DHRS3: variants seen among roughly 807,000 people sequenced by gnomAD.
DHRS3 encodes the protein short-chain dehydrogenase/reductase 3.
In DHRS3, 14 loss-of-function variants were observed where a neutral mutation model predicts 27.2. That is an observed-to-expected ratio of 0.52 (90% CI 0.34 to 0.81). The LOEUF (loss-of-function observed/expected upper bound fraction) is 0.81, where lower values mean the gene tolerates loss of function less well. DHRS3 is among the 30% of genes least tolerant of loss of function. DHRS3 has a pLI of 0.01. For synonymous variants in DHRS3, 165 were observed against 175.9 expected (o/e 0.94, Z 0.49); for missense variants, 322 against 406.2 (o/e 0.79, Z 1.78).
chr1:12,596,573 A>C (rs983729549), intron 1 of DHRS3, among the ~76,000 whole-genome samples: 1 of 152,024 alleles, frequency 6.6e-6, no homozygotes, highest in Non-Finnish European at 1.5e-5. Flanking sequence ...CCTGGACCGC[A>C]CTAACTTGGC....
At chr1:12,614,013 C>T (rs1473485248) in intron 1 of DHRS3, among the ~76,000 whole-genome samples, 3 of 152,112 alleles carry the variant, frequency 2.0e-5, no homozygotes, top group South Asian at 4.1e-4. Context: ...TCAAGTGATC[C>T]GCCTGCCTCA....
intron 1 of DHRS3, among the ~76,000 whole-genome samples, chr1:12,590,589 C>T (rs1271235681): frequency 2.6e-5 from 4 of 152,036 alleles, no homozygotes; most frequent in South Asian, 2.1e-4. Flanking sequence ...GGATTACAGG[C>T]GTGAGCCACC....
intron 1 of DHRS3, among the ~76,000 whole-genome samples, chr1:12,582,302 A>G (rs1163046352): frequency 6.6e-6 from 1 of 152,208 alleles, no homozygotes; most frequent in Non-Finnish European, 1.5e-5. Flanking sequence ...TCTCCAATGG[A>G]ATCGATTTTT....
At chr1:12,602,788 G>A (rs1291549132) in intron 1 of DHRS3, among the ~76,000 whole-genome samples, 2 of 152,256 alleles carry the variant, frequency 1.3e-5, no homozygotes, top group African/African-American at 2.4e-5. Flanking sequence ...TCACTGGGAG[G>A]CCCCTCATAA....
In DHRS3 at chr1:12,617,696, C is replaced by G. The variant is rs1646954713; in HGVS notation, c.-348G>C. On this transcript the variant is annotated 5_prime_UTR_variant, in exon 1 of 6. Coordinates refer to ENST00000616661, the MANE Select transcript of DHRS3 (RefSeq NM_004753.7). ...TTCTCAGGTAATGTTTACAGACTGA[C>G]AGAGGAGTTTAGGGAGGGGAAGAAA... The G allele has an allele frequency of 6.4e-6, 1 of 156,832 alleles. No individual in the cohort carries two copies. Among genetic ancestry groups the G allele is most frequent in the Admixed American group, 8.1e-5 (1 of 12,360 alleles). The allele number at this position is 156,832 out of a possible 1,614,324, so 9.7% of individuals were successfully genotyped here.
rs541953989 is a variant in DHRS3, at chr1:12,580,947, G to A, written c.196-281C>T. Among the ~76,000 whole-genome samples, 508 of 152,078 alleles carry A rather than the reference G, an allele frequency of 3.3e-3. 5 individuals are homozygous for A. The highest frequency in any genetic ancestry group is 0.011 in the African/African-American group (445 of 41,466). ...AAGAGATCCTCCCATCCCAGCCTCC[G>A]GAGTGGCTGGGACCACAGGTGCATG... On this transcript the variant is annotated intron_variant, in intron 1 of 5. Coordinates refer to ENST00000616661, the MANE Select transcript of DHRS3 (RefSeq NM_004753.7).
Position 12,572,772 on chromosome 1 carries a change from G to A in DHRS3, c.780C>T (p.Leu260=). The A allele has an allele frequency of 1.2e-6, 2 of 1,611,684 alleles. No homozygotes were observed. Among genetic ancestry groups the A allele is most frequent in the Non-Finnish European group, 1.7e-6 (2 of 1,179,104 alleles). The change falls in exon 5 of 6, where the codon CTC becomes CTT. Residue 260 remains leucine, a synonymous_variant. Coordinates refer to ENST00000616661, the MANE Select transcript of DHRS3 (RefSeq NM_004753.7). ...CATGCATTGTCCATGGGAGGAGGAG[G>A]AGGGCCTGGTTGAGCTGCACAGCTT... ...TVEAVQLNQA[L]LLLPWTMHAL... is the part of the protein sequence containing the mutation.
At position 12,591,281 on chromosome 1, in the gene DHRS3, G is replaced by T. The variant is rs750423853; in HGVS notation, c.196-10615C>A. ...TCAGGGACTTCGGCTAGGTCCTTATGTGTCCTTCCTGTTCCTGCACTGCTG... is the reference window on the plus strand; with the variant it reads ...TCAGGGACTTCGGCTAGGTCCTTATTTGTCCTTCCTGTTCCTGCACTGCTG... On this transcript the variant is annotated intron_variant, in intron 1 of 5. Coordinates refer to ENST00000616661, the MANE Select transcript of DHRS3 (RefSeq NM_004753.7). This position sits in a 1 kb window ranked among gnomAD's most constrained non-coding sequence, Gnocchi z 4.1. Among the ~76,000 whole-genome samples the T allele has an allele frequency of 1.7e-4, 26 of 152,246 alleles. No homozygotes were observed. Among genetic ancestry groups the T allele is most frequent in the Non-Finnish European group, 2.6e-4 (18 of 68,044 alleles).
At chr1:12,577,518 T>C (rs967647863) in intron 4 of DHRS3, among the ~76,000 whole-genome samples, 2 of 152,124 alleles carry the variant, frequency 1.3e-5, no homozygotes, top group African/African-American at 4.8e-5. Flanking sequence ...GGGACCTCCC[T>C]ATTACTCATT....
intron 1 of DHRS3, among the ~76,000 whole-genome samples, chr1:12,600,608 G>A (rs1202028670): frequency 6.6e-6 from 1 of 152,192 alleles, no homozygotes; most frequent in African/African-American, 2.4e-5. Flanking sequence ...TACCAGGCCT[G>A]TGAGAGGGGC....
chr1:12,571,176 G>A (rs1043323439), intron 5 of DHRS3, among the ~76,000 whole-genome samples: 1 of 152,234 alleles, frequency 6.6e-6, no homozygotes, highest in Admixed American at 6.5e-5. Flanking sequence ...ATCTCCTGCT[G>A]TACTAAGAGG....
chr1:12,590,642 T>TA (rs879448990), intron 1 of DHRS3, among the ~76,000 whole-genome samples: 342 of 145,698 alleles, frequency 2.3e-3, no homozygotes, highest in African/African-American at 4.9e-3. Flanking sequence ...ACTCTGTCGC[T>TA]AAAAAAAAAA....
At chr1:12,582,173 G>A (rs1016376622) in intron 1 of DHRS3, among the ~76,000 whole-genome samples, 1 of 152,150 alleles carries the variant, frequency 6.6e-6, no homozygotes, top group African/African-American at 2.4e-5. Context: ...AAGTCACATT[G>A]ATAAGGAGTT....
intron 4 of DHRS3, among the ~76,000 whole-genome samples, chr1:12,575,967 A>G (rs1374457835): frequency 6.6e-6 from 1 of 151,968 alleles, no homozygotes. Flanking sequence ...TTGGCCTCCC[A>G]AAGTGCTGGG....
rs544815125 is a variant in DHRS3 at position 12,601,524 on chromosome 1, C to G, written c.195+15630G>C. Among the ~76,000 whole-genome samples, 59 of 152,174 alleles carry G rather than the reference C, an allele frequency of 3.9e-4. No homozygotes were observed. In the South Asian group the frequency reaches 0.012, roughly 30 times the overall value. On this transcript the variant is annotated intron_variant, in intron 1 of 5. Coordinates refer to ENST00000616661, the MANE Select transcript of DHRS3 (RefSeq NM_004753.7). ...ACAGCACTGAGCCCCTGGAGACATG[C>G]CCAAAGTCAGCCCTACCCAGGGACT... is the stretch of plus-strand genomic sequence containing the variant.
chr1:12,601,799 G>C (rs1646837578), intron 1 of DHRS3, among the ~76,000 whole-genome samples: 1 of 152,188 alleles, frequency 6.6e-6, no homozygotes, highest in Admixed American at 6.5e-5. Context: ...GACTCTCAGA[G>C]TCCTGTTGGT....
intron 1 of DHRS3, among the ~76,000 whole-genome samples, chr1:12,603,612 G>A (rs537288391): frequency 2.7e-4 from 41 of 152,288 alleles, no homozygotes; most frequent in Admixed American, 1.3e-3. Context: ...CATGGGGACC[G>A]CGGGGCTTGG....
rs189381189 is a variant in DHRS3, at chr1:12,598,152, C to T, written c.196-17486G>A. Among the ~76,000 whole-genome samples the T allele has an allele frequency of 7.9e-5, 12 of 152,270 alleles. No individual in the cohort carries two copies. In the East Asian group the frequency reaches 1.9e-3, roughly 24 times the overall value. On this transcript the variant is annotated intron_variant, in intron 1 of 5. Coordinates refer to ENST00000616661, the MANE Select transcript of DHRS3 (RefSeq NM_004753.7). Reference sequence around the variant, plus strand: ...TGTGCAGGGGCAGTGGACATGGCAGCGTATGAGCTGTAGGGGAAAGAGGAA... The same window carrying T: ...TGTGCAGGGGCAGTGGACATGGCAGTGTATGAGCTGTAGGGGAAAGAGGAA...
intron 1 of DHRS3, among the ~76,000 whole-genome samples, chr1:12,582,863 ATCCATCCATCCC>A (rs1259277434): frequency 1.3e-4 from 19 of 148,068 alleles, no homozygotes; most frequent in African/African-American, 4.0e-4. Context: ...CCATCCATCC[ATCCATCCATCCC>A]TCCCTCCCTC....
Sources: gnomAD v4.1 joint callset for allele counts (sites outside exome capture counted in the v4.1 genomes callset) on GRCh38, gnomAD v4.1.1 for gene constraint, Gnocchi (gnomAD v3.1) non-coding constraint, MANE v1.5 for transcripts, NCBI Gene and HGNC (gene_info 2026-07-23, HGNC 2026-07-21) for gene names.